Variants in PDGFC observed in about 807,000 individuals in gnomAD.
The protein encoded by PDGFC is platelet-derived growth factor C.
Under a neutral mutation model 35.5 loss-of-function variants are expected in PDGFC, and 12 were observed. The ratio of observed to expected loss-of-function variants is 0.34; its 90% CI spans 0.22 to 0.55. The LOEUF is 0.55. Among genes scored for constraint, PDGFC ranks in the 20% least tolerant of loss-of-function variants. The pLI is 0.91. For missense variants in PDGFC, 322 were observed against 412.4 expected (o/e 0.78, Z 1.90); for synonymous variants, 159 against 148.8 (o/e 1.07, Z -0.50).
At chr4:156,797,032 T>C (rs1333588787) in intron 3 of PDGFC, among the ~76,000 whole-genome samples, 1 of 151,784 alleles carries the variant, frequency 6.6e-6, no homozygotes, top group Non-Finnish European at 1.5e-5. Context: ...GGTGAGGAGA[T>C]TGAGACCATC....
At chr4:156,824,297 T>C (rs1393682765) in intron 2 of PDGFC, among the ~76,000 whole-genome samples, 1 of 34,192 alleles carries the variant, frequency 2.9e-5, no homozygotes, top group African/African-American at 1.3e-4. Context: ...TATATATATA[T>C]ATATATATAT....
chr4:156,908,560 G>A (rs1218565762), intron 1 of PDGFC, among the ~76,000 whole-genome samples: 1 of 152,058 alleles, frequency 6.6e-6, no homozygotes, highest in Admixed American at 6.6e-5. Flanking sequence ...CACAACATTG[G>A]ACAAAATAAC....
intron 1 of PDGFC, among the ~76,000 whole-genome samples, chr4:156,948,146 G>C (rs2110928817): frequency 7.3e-6 from 1 of 137,412 alleles, no homozygotes; most frequent in Admixed American, 7.7e-5. Context: ...TCCAACAAGT[G>C]TACTAAAAAA....
intron 1 of PDGFC, among the ~76,000 whole-genome samples, chr4:156,955,475 A>G (rs1477948415): frequency 1.3e-5 from 2 of 152,082 alleles, no homozygotes; most frequent in African/African-American, 4.8e-5. Flanking sequence ...ATGTATACAT[A>G]TATCAAAACA....
At chr4:156,805,030 C>A (rs1731721532) in intron 3 of PDGFC, among the ~76,000 whole-genome samples, 1 of 151,836 alleles carries the variant, frequency 6.6e-6, no homozygotes. Context: ...GAAATTTTTT[C>A]TTAGCAAGAA....
At chr4:156,870,678 G>C (rs966703941) in intron 1 of PDGFC, among the ~76,000 whole-genome samples, 1 of 151,932 alleles carries the variant, frequency 6.6e-6, no homozygotes, top group Admixed American at 6.6e-5. Context: ...TGCTTCAAAA[G>C]AATGTTCAAC....
chr4:156,862,785 C>T (rs1423851086), intron 1 of PDGFC, among the ~76,000 whole-genome samples: 2 of 151,416 alleles, frequency 1.3e-5, no homozygotes, highest in African/African-American at 4.9e-5. Context: ...ACCTCTGCTG[C>T]CTGGGTTCAA....
At chr4:156,895,696 T>C (rs181934048) in intron 1 of PDGFC, among the ~76,000 whole-genome samples, 296 of 151,874 alleles carry the variant, frequency 1.9e-3, no homozygotes, top group Middle Eastern at 6.9e-3. Context: ...CCTTTAGTCC[T>C]CAAAGAGATG....
chr4:156,883,681 T>G (rs1318195518), intron 1 of PDGFC, among the ~76,000 whole-genome samples: 1 of 152,210 alleles, frequency 6.6e-6, no homozygotes, highest in Non-Finnish European at 1.5e-5. Context: ...TTCTTAACTT[T>G]ATTAAGGATA....
At chr4:156,788,258 G>C (rs1731184354) in intron 3 of PDGFC, among the ~76,000 whole-genome samples, 1 of 151,976 alleles carries the variant, frequency 6.6e-6, no homozygotes, top group South Asian at 2.1e-4. Flanking sequence ...CAAATACACA[G>C]GAAAGCTGAA....
intron 1 of PDGFC, among the ~76,000 whole-genome samples, chr4:156,959,881 T>C (rs1341774797): frequency 2.0e-5 from 3 of 151,964 alleles, no homozygotes; most frequent in Non-Finnish European, 2.9e-5. Context: ...GTTAGTTTAA[T>C]GGGGTGCCCA....
chr4:156,859,960 G>A (rs995671782), intron 1 of PDGFC, among the ~76,000 whole-genome samples: 7 of 152,058 alleles, frequency 4.6e-5, no homozygotes, highest in Admixed American at 3.3e-4. Flanking sequence ...TGGCTTGACT[G>A]TAACAACTAG....
chr4:156,966,448 C>CT (rs979354852), intron 1 of PDGFC, among the ~76,000 whole-genome samples: 76 of 146,410 alleles, frequency 5.2e-4, no homozygotes, highest in Admixed American at 1.4e-3. Flanking sequence ...GTCTTGGAAA[C>CT]TTTTTTTTTT....
At chr4:156,949,379 A>G (rs1355927508) in intron 1 of PDGFC, among the ~76,000 whole-genome samples, 1 of 151,794 alleles carries the variant, frequency 6.6e-6, no homozygotes, top group African/African-American at 2.4e-5. Context: ...TATTTCTTTC[A>G]GAGCATTAAC....
rs144033663 is a variant in PDGFC, at chr4:156,832,633, TTAAC to T, written c.314+17584_314+17587del. On this transcript the variant is annotated intron_variant, in intron 2 of 5. Transcript: ENST00000502773. ...AAACCATCAATGGCCGTTATTTTCT[TTAAC>T]TAACCAGGATTTCTAGCAGTATATG... is the stretch of plus-strand genomic sequence containing the variant. Among the ~76,000 whole-genome samples the T allele has an allele frequency of 7.1e-3, 1,084 of 152,306 alleles. 7 individuals are homozygous for T. Among genetic ancestry groups the T allele is most frequent in the African/African-American group, 0.025 (1,019 of 41,566 alleles).
rs1427841270 is a variant in PDGFC at position 156,761,634 on chromosome 4, C to G, written c.*1456G>C. ...CATAATTTTCTCCCCAAAATAGCCA[C>G]ATTCTTTTATTTGATGATTCAATAC... On this transcript the variant is annotated 3_prime_UTR_variant, in exon 6 of 6. Transcript: ENST00000502773. The G allele has an allele frequency of 6.6e-6, 1 of 152,584 alleles. No homozygotes were observed. The highest frequency in any genetic ancestry group is 6.5e-5 in the Admixed American group (1 of 15,272). The allele number at this position is 152,584 out of a possible 1,614,324, so 9.5% of individuals were successfully genotyped here.
intron 1 of PDGFC, among the ~76,000 whole-genome samples, chr4:156,952,411 C>G (rs1228803083): frequency 1.3e-5 from 2 of 151,768 alleles, no homozygotes; most frequent in Non-Finnish European, 2.9e-5. Flanking sequence ...AAACAGAAAT[C>G]ATTAAGAACA....
At chr4:156,866,852 CA>C (rs1729856165) in intron 1 of PDGFC, among the ~76,000 whole-genome samples, 2 of 152,132 alleles carry the variant, frequency 1.3e-5, no homozygotes, top group African/African-American at 2.4e-5. Context: ...TTAGTGAGCA[CA>C]GTACAGTAAA....
intron 2 of PDGFC, among the ~76,000 whole-genome samples, chr4:156,836,275 C>A (rs1039069278): frequency 7.9e-5 from 12 of 152,126 alleles, no homozygotes; most frequent in Admixed American, 7.2e-4. Flanking sequence ...GACCAACATT[C>A]AAGTTTCAGT....
Sources: allele counts gnomAD v4.1 joint callset (sites outside exome capture counted in the v4.1 genomes callset), GRCh38; gene constraint gnomAD v4.1.1; transcripts MANE v1.5; gene names NCBI Gene and HGNC (gene_info 2026-07-23, HGNC 2026-07-21).